NR3C2: variants seen among roughly 807,000 people sequenced by gnomAD.
NR3C2 encodes nuclear receptor subfamily 3 group C member 2.
Under a neutral mutation model 86.4 loss-of-function variants are expected in NR3C2, and 15 were observed. The ratio of observed to expected loss-of-function variants is 0.17; its 90% CI spans 0.12 to 0.27. The LOEUF is 0.27. NR3C2 is among the 10% of genes least tolerant of loss of function. NR3C2 has a pLI of 1.00. For missense variants in NR3C2, 960 were observed against 1,195.6 expected (o/e 0.80, Z 2.91); for synonymous variants, 458 against 450.5 (o/e 1.02, Z -0.21).
At chr4:148,227,626 A>G (rs1738244022) in intron 3 of NR3C2, among the ~76,000 whole-genome samples, 3 of 152,116 alleles carry the variant, frequency 2.0e-5, no homozygotes, top group South Asian at 4.1e-4. Flanking sequence ...CATTTCTTCT[A>G]TATTTATTGA....
intron 2 of NR3C2, among the ~76,000 whole-genome samples, chr4:148,280,181 G>GT (rs1741164138): frequency 6.6e-6 from 1 of 152,068 alleles, no homozygotes. Context: ...AATAAATCTA[G>GT]TTTTCAACAA....
chr4:148,223,218 C>G (rs148831343), intron 3 of NR3C2, among the ~76,000 whole-genome samples: 4 of 152,116 alleles, frequency 2.6e-5, no homozygotes, highest in Non-Finnish European at 4.4e-5. Context: ...ATATTCCTCA[C>G]GTCCCCTTCA....
At chr4:148,081,615 A>G (rs1037973408) in intron 8 of NR3C2, 116 bp from the exon 9 acceptor site, 20 of 1,403,108 alleles carry the variant, frequency 1.4e-5, no homozygotes, top group African/African-American at 4.3e-5. Context: ...CTCCCAGGAG[A>G]CCATGTCTTC....
chr4:148,316,489 C>T (rs41510346), intron 2 of NR3C2, among the ~76,000 whole-genome samples: 3,269 of 152,104 alleles, frequency 0.021, 111 homozygotes, highest in African/African-American at 0.075. Flanking sequence ...GCATTAATTA[C>T]GTACAAACAC....
At chr4:148,344,025 ACCGCATAAGCTATATC>A (rs1252408077) in intron 2 of NR3C2, among the ~76,000 whole-genome samples, 1 of 152,166 alleles carries the variant, frequency 6.6e-6, no homozygotes, top group Non-Finnish European at 1.5e-5. Context: ...AATGGCAACT[ACCGCATAAGCTATATC>A]TAGAGGAAGG....
At chr4:148,338,867 C>G (rs1039567083) in intron 2 of NR3C2, among the ~76,000 whole-genome samples, 1 of 152,084 alleles carries the variant, frequency 6.6e-6, no homozygotes, top group East Asian at 1.9e-4. Flanking sequence ...CATCTCAGGG[C>G]CAAATCTAGC....
At chr4:148,188,380 C>T (rs1736036537) in intron 4 of NR3C2, among the ~76,000 whole-genome samples, 1 of 152,100 alleles carries the variant, frequency 6.6e-6, no homozygotes, top group South Asian at 2.1e-4. Context: ...TTTGTGTTGT[C>T]TATGATTTCT....
At chr4:148,439,192 A>G (rs943282914) in intron 1 of NR3C2, among the ~76,000 whole-genome samples, 2 of 152,190 alleles carry the variant, frequency 1.3e-5, no homozygotes, top group African/African-American at 4.8e-5. Flanking sequence ...AGTCATAGCT[A>G]TGTATTGAAA....
intron 6 of NR3C2, among the ~76,000 whole-genome samples, chr4:148,152,025 A>C (rs577409087): frequency 6.6e-6 from 1 of 152,368 alleles, no homozygotes; most frequent in South Asian, 2.1e-4. Flanking sequence ...GATTGTCATG[A>C]AAACACATTG....
chr4:148,333,571 G>T (rs3920217), intron 2 of NR3C2, among the ~76,000 whole-genome samples: 51,214 of 151,806 alleles, frequency 0.34, 9,902 homozygotes, highest in African/African-American at 0.53. Flanking sequence ...TGAAAAGTTG[G>T]AAGGACCACG....
At chr4:148,419,699 AT>A (rs1749184659) in intron 2 of NR3C2, among the ~76,000 whole-genome samples, 1 of 152,108 alleles carries the variant, frequency 6.6e-6, no homozygotes, top group South Asian at 2.1e-4. Context: ...ATTACCATTA[AT>A]TTTTCTCATT....
At chr4:148,408,371 A>G (rs888733243) in intron 2 of NR3C2, among the ~76,000 whole-genome samples, 4 of 152,234 alleles carry the variant, frequency 2.6e-5, no homozygotes, top group African/African-American at 7.2e-5. Context: ...CTAGATTTCC[A>G]TCCTCTATTT....
intron 4 of NR3C2, among the ~76,000 whole-genome samples, chr4:148,178,367 GA>G (rs1180466074): frequency 2.0e-5 from 3 of 151,796 alleles, no homozygotes; most frequent in Admixed American, 2.0e-4. Flanking sequence ...CAAGAAGCAT[GA>G]AGCTAATATT....
chr4:148,270,839 C>A (rs1455914634), intron 2 of NR3C2, among the ~76,000 whole-genome samples: 1 of 152,118 alleles, frequency 6.6e-6, no homozygotes, highest in Non-Finnish European at 1.5e-5. Context: ...ATTCCAAAAA[C>A]GGTTTCCTAT....
rs556717164 is a variant in NR3C2 at position 148,080,203 on chromosome 4, C to G, written c.*1141G>C. On this transcript the variant is annotated 3_prime_UTR_variant, in exon 9 of 9. Transcript: ENST00000358102. ...CGCAGTGTGTCATTCCCCGATGGAGCAGGATGAAGCAGAAGCCAGAAAACG... is the reference window on the plus strand; with the variant it reads ...CGCAGTGTGTCATTCCCCGATGGAGGAGGATGAAGCAGAAGCCAGAAAACG... The G allele has an allele frequency of 4.6e-5, 7 of 152,434 alleles. No homozygotes were observed. 9.4% of individuals were successfully genotyped at this position (152,434 alleles called of 1,614,324 possible). A position where few individuals can be genotyped will look rare whatever the true frequency, so the allele number is the denominator to read the frequency against.
At chr4:148,163,694 GATTAC>G (rs1734762699) in intron 4 of NR3C2, among the ~76,000 whole-genome samples, 1 of 148,348 alleles carries the variant, frequency 6.7e-6, no homozygotes, top group African/African-American at 2.5e-5. Context: ...GTAATCTTGA[GATTAC>G]ATTATTTTAT....
chr4:148,254,346 T>C (rs778047625), intron 3 of NR3C2, among the ~76,000 whole-genome samples: 7 of 152,184 alleles, frequency 4.6e-5, no homozygotes, highest in Admixed American at 6.6e-5. Flanking sequence ...CATATGAAAG[T>C]TTATACAGTG....
chr4:148,324,590 C>T (rs2149959872), intron 2 of NR3C2, among the ~76,000 whole-genome samples: 1 of 152,098 alleles, frequency 6.6e-6, no homozygotes, highest in African/African-American at 2.4e-5. Context: ...TAAATAAGTT[C>T]CAGGAACCTA....
At chr4:148,187,825 T>C (rs991396224) in intron 4 of NR3C2, among the ~76,000 whole-genome samples, 2 of 152,244 alleles carry the variant, frequency 1.3e-5, no homozygotes, top group Non-Finnish European at 2.9e-5. Flanking sequence ...TTTTCCAATG[T>C]TATCCTCTAG....
Sources: allele counts gnomAD v4.1 joint callset (sites outside exome capture counted in the v4.1 genomes callset), GRCh38; gene constraint gnomAD v4.1.1; transcripts MANE v1.5; gene names NCBI Gene and HGNC (gene_info 2026-07-23, HGNC 2026-07-21).